SETD2: variants seen among roughly 807,000 people sequenced by gnomAD.
SETD2 encodes the protein SET domain containing 2, histone lysine methyltransferase.
In SETD2, 31 loss-of-function variants were observed where a neutral mutation model predicts 242.1. That is an observed-to-expected ratio of 0.13 (90% CI 0.10 to 0.17). The LOEUF (loss-of-function observed/expected upper bound fraction) is 0.17. Among genes scored for constraint, SETD2 ranks in the 10% least tolerant of loss-of-function variants. The pLI, the probability that SETD2 is intolerant of heterozygous loss-of-function variation, is 1.00. For synonymous variants in SETD2, 1,006 were observed against 1,066.5 expected, an observed-to-expected ratio of 0.94 and a Z score of 1.11; for missense variants, 2,481 against 3,046.3, an observed-to-expected ratio of 0.81 and a Z score of 4.37.
At chr3:47,069,286 T>C (rs2040708548) in intron 12 of SETD2, among the ~76,000 whole-genome samples, 1 of 152,148 alleles carries the variant, frequency 6.6e-6, no homozygotes, top group African/African-American at 2.4e-5. Context: ...AACAACATTA[T>C]TTTGAGAAGG....
At chr3:47,127,545 T>G (rs1216473708) in intron 1 of SETD2, 3 of 453,108 alleles carry the variant, frequency 6.6e-6, no homozygotes, top group Non-Finnish European at 1.3e-5. Flanking sequence ...CTGGGTAACA[T>G]AGCAAAACCT....
In SETD2 at chr3:47,017,767, G is replaced by A. The variant is rs1322737945; in HGVS notation, c.7432-28C>T. On this transcript the variant is annotated intron_variant, in intron 19 of 20. Coordinates refer to ENST00000409792, the MANE Select transcript of SETD2 (RefSeq NM_014159.7). The surrounding 1 kb of genome is among the most constrained non-coding windows in gnomAD (Gnocchi z 4.8). The stretch of plus-strand genomic sequence containing the variant: ...GCAGGCAGAGAAAAGAGAACACGTT[G>A]CTCAACAGTCCAGAGAGGGCAAGGA... 6.6e-7 allele frequency: 1 copy of A among 1,513,044 alleles called. No homozygotes were observed. Among genetic ancestry groups the A allele is most frequent in the Non-Finnish European group, 9.2e-7 (1 of 1,087,836 alleles). The allele number at this position is 1,513,044 out of a possible 1,614,324, so 93.7% of individuals were successfully genotyped here. A position where few individuals can be genotyped will look rare whatever the true frequency, so the allele number is the denominator to read the frequency against.
In SETD2 at chr3:47,017,135, A is replaced by C. The variant is rs1386662369; in HGVS notation, c.7653T>G (p.Phe2551Leu). The C allele has an allele frequency of 6.2e-7, 1 of 1,614,036 alleles. No individual in the cohort carries two copies. The highest frequency in any genetic ancestry group is 8.5e-7 in the Non-Finnish European group (1 of 1,180,036). Residue 2551 changes from phenylalanine (F) to leucine (L), a missense_variant, in exon 21 of 21, where the codon TTT (phenylalanine) becomes TTG (leucine). Physicochemically the swap from Phe to Leu is conservative, Grantham distance 22. Transcript: ENST00000409792. This position sits in a 1 kb window ranked among gnomAD's most constrained non-coding sequence, Gnocchi z 4.8. Reference protein sequence around the residue: ...KEYIKKYMQKFGAVYKPKEDT... With the variant: ...KEYIKKYMQKLGAVYKPKEDT... The stretch of plus-strand genomic sequence containing the variant: ...CCTCTTTGGGTTTGTAAACAGCCCC[A>C]AACTTCTGCATGTACTTCTTAATGT...
At position 47,150,028 on chromosome 3, in the gene SETD2, C is replaced by CTTTTTT. The variant is rs71098457; in HGVS notation, c.71+13820_71+13825dup. 9.4e-3 allele frequency among the ~76,000 whole-genome samples: 871 copies of CTTTTTT among 92,406 alleles called. 99 individuals are homozygous for CTTTTTT. The highest frequency in any genetic ancestry group is 0.015 in the Middle Eastern group (2 of 136). 60.6% of individuals were successfully genotyped at this position (92,406 alleles called of 152,430 possible). The stretch of plus-strand genomic sequence containing the variant: ...GTGTCTTTTGGCATATCCAAAAATA[C>CTTTTTT]TTTTTTTTTTTTTTTTTTTTGAGAC... On this transcript the variant is annotated intron_variant, in intron 1 of 20. Transcript: ENST00000409792.
At chr3:47,113,114 TTTTC>T (rs1354582486) in intron 5 of SETD2, among the ~76,000 whole-genome samples, 1 of 151,656 alleles carries the variant, frequency 6.6e-6, no homozygotes, top group Non-Finnish European at 1.5e-5. Context: ...CTCTTTTTTT[TTTTC>T]TTTAAGAGAC....
chr3:47,073,871 C>T (rs551905933), intron 12 of SETD2, among the ~76,000 whole-genome samples: 10 of 152,290 alleles, frequency 6.6e-5, no homozygotes, highest in Non-Finnish European at 1.3e-4. Flanking sequence ...CTCATTCTTA[C>T]GTATATACAC....
chr3:47,048,826 C>T (rs1360954702), intron 15 of SETD2, among the ~76,000 whole-genome samples: 2 of 151,976 alleles, frequency 1.3e-5, no homozygotes, highest in Non-Finnish European at 2.9e-5. Flanking sequence ...TGCCACCACG[C>T]CTGGCTAATT....
intron 1 of SETD2, among the ~76,000 whole-genome samples, chr3:47,137,295 C>T (rs1212474323): frequency 1.3e-5 from 2 of 151,966 alleles, no homozygotes; most frequent in Non-Finnish European, 2.9e-5. Flanking sequence ...TGGGTTCAAG[C>T]GATTCTCCTG....
At chr3:47,114,151 CT>C in intron 4 of SETD2, 147 bp from the exon 5 acceptor site, 1 of 746,626 alleles carries the variant, frequency 1.3e-6, no homozygotes, top group Non-Finnish European at 2.1e-6. Context: ...CTAAGTCTTC[CT>C]TTCCTTCCAT....
chr3:47,068,628 C>G (rs2040673909), intron 12 of SETD2, among the ~76,000 whole-genome samples: 1 of 151,596 alleles, frequency 6.6e-6, no homozygotes, highest in African/African-American at 2.4e-5. Context: ...TCCTGAGTAG[C>G]AGGGATTATA....
chr3:47,076,857 C>T lies in SETD2; in HGVS notation c.6060+6863G>A, dbSNP rs76426241. Among the ~76,000 whole-genome samples the T allele has an allele frequency of 1.2e-3, 184 of 152,292 alleles. 3 individuals are homozygous for T. In the East Asian group the frequency reaches 0.032, roughly 27 times the overall value. ...GCTAGGCAAGAAGTTTAGACAGATA[C>T]GGAATTACTTTCTCTATCATACACT... On this transcript the variant is annotated intron_variant, in intron 12 of 20. Transcript: ENST00000409792.
In SETD2 at chr3:47,123,242, T is replaced by A. The variant is rs1470973719; in HGVS notation, c.1394A>T (p.Tyr465Phe). 6.4e-7 allele frequency: 1 copy of A among 1,556,164 alleles called. No homozygotes were observed. ...ARESSDSEEE[Y>F]KKTYSRRTSS... is the part of the protein sequence containing the mutation. The stretch of plus-strand genomic sequence containing the variant: ...GGTACGCCTTGAGTATGTCTTCTTA[T>A]ACTCTTCTTCTGAGTCAGAACTCTC... Residue 465 changes from tyrosine to phenylalanine, a missense_variant, in exon 3 of 21, where the codon TAT becomes TTT. Around this residue, in one of 17 missense-constraint regions of SETD2, gnomAD observed 1,300 missense variants for 1,259.2 expected, o/e 1.03. Coordinates refer to ENST00000409792, the MANE Select transcript of SETD2 (RefSeq NM_014159.7).
chr3:47,081,002 G>C, intron 12 of SETD2: 1 of 986,894 alleles, frequency 1.0e-6, no homozygotes, highest in East Asian at 1.1e-4. Flanking sequence ...TTTTTCTTCA[G>C]CACGAAGTTG....
intron 12 of SETD2, among the ~76,000 whole-genome samples, chr3:47,080,432 GCAAATGAAATTGC>G (rs2041272385): frequency 6.6e-6 from 1 of 151,922 alleles, no homozygotes; most frequent in Admixed American, 6.6e-5. Flanking sequence ...GTGTTTAATG[GCAAATGAAATTGC>G]CAAGTTCACA....
intron 18 of SETD2, among the ~76,000 whole-genome samples, chr3:47,021,844 C>G (rs542223477): frequency 6.6e-6 from 1 of 152,218 alleles, no homozygotes; most frequent in East Asian, 1.9e-4. Context: ...CAAAAAAGTC[C>G]CATTTAAAAA....
intron 4 of SETD2, among the ~76,000 whole-genome samples, chr3:47,114,275 C>A (rs1455956436): frequency 1.3e-5 from 2 of 152,150 alleles, no homozygotes; most frequent in Non-Finnish European, 2.9e-5. Flanking sequence ...CCCTAGGTGT[C>A]TAGAATACAT....
chr3:47,105,486 A>T (rs1157346785), intron 6 of SETD2, among the ~76,000 whole-genome samples: 1 of 150,946 alleles, frequency 6.6e-6, no homozygotes, highest in Non-Finnish European at 1.5e-5. Flanking sequence ...CACTACGTTT[A>T]TCTTTACATA....
At chr3:47,038,303 A>T (rs981822673) in intron 17 of SETD2, among the ~76,000 whole-genome samples, 2 of 152,180 alleles carry the variant, frequency 1.3e-5, no homozygotes, top group Non-Finnish European at 1.5e-5. Context: ...GACAAGAAAA[A>T]TACGTACAGG....
At chr3:47,042,860 T>C (rs1021183602) in intron 16 of SETD2, among the ~76,000 whole-genome samples, 160 bp from the exon 17 acceptor site, 1 of 151,960 alleles carries the variant, frequency 6.6e-6, no homozygotes, top group African/African-American at 2.4e-5. Flanking sequence ...ACAGTATATA[T>C]AAAGAGGTTT....
Sources: allele counts gnomAD v4.1 joint callset (sites outside exome capture counted in the v4.1 genomes callset), GRCh38; gene constraint gnomAD v4.1.1; regional missense constraint gnomAD v4.1.1; non-coding constraint Gnocchi (gnomAD v3.1); transcripts MANE v1.5; gene names NCBI Gene and HGNC (gene_info 2026-07-23, HGNC 2026-07-21).